Variants in GRM7 observed in about 807,000 individuals in gnomAD.
GRM7 encodes metabotropic glutamate receptor 7.
GRM7 carries 35 observed loss-of-function variants against 84.5 expected under a neutral mutation model. The ratio of observed to expected loss-of-function variants is 0.41; its 90% confidence interval spans 0.32 to 0.55. GRM7 has a LOEUF of 0.55. Among genes scored for constraint, GRM7 ranks in the 20% least tolerant of loss-of-function variants. GRM7 has a pLI of 0.19. For missense variants in GRM7, 1,003 were observed against 1,194.6 expected (o/e 0.84, Z 2.36); for synonymous variants, 487 against 455.1 (o/e 1.07, Z -0.89).
At chr3:7,620,392 G>A (rs1013510179) in intron 8 of GRM7, among the ~76,000 whole-genome samples, 3 of 152,084 alleles carry the variant, frequency 2.0e-5, no homozygotes, top group Non-Finnish European at 4.4e-5. Context: ...GTTGGGGACA[G>A]AGAGTTATGT....
intron 2 of GRM7, among the ~76,000 whole-genome samples, chr3:7,258,619 A>G (rs541523615): frequency 6.6e-6 from 1 of 152,352 alleles, no homozygotes; most frequent in African/African-American, 2.4e-5. Flanking sequence ...TAAAAAGTAG[A>G]TAATAATTTA....
intron 3 of GRM7, among the ~76,000 whole-genome samples, chr3:7,301,170 T>TC (rs1310554695): frequency 6.7e-6 from 1 of 149,728 alleles, no homozygotes; most frequent in Non-Finnish European, 1.5e-5. Context: ...GATGTTTTTT[T>TC]CTCTCGTTAT....
At chr3:7,502,724 C>T (rs1699921564) in intron 7 of GRM7, among the ~76,000 whole-genome samples, 1 of 152,134 alleles carries the variant, frequency 6.6e-6, no homozygotes, top group Non-Finnish European at 1.5e-5. Context: ...TGGCAATTAA[C>T]CAGCATACAC....
chr3:7,293,903 G>A (rs531967792), intron 2 of GRM7, among the ~76,000 whole-genome samples: 1 of 152,292 alleles, frequency 6.6e-6, no homozygotes, highest in East Asian at 1.9e-4. Flanking sequence ...GGGATGGATT[G>A]TCTTTCCAGC....
At chr3:7,174,996 T>C (rs1263298407) in intron 2 of GRM7, among the ~76,000 whole-genome samples, 1 of 152,168 alleles carries the variant, frequency 6.6e-6, no homozygotes. Flanking sequence ...CAGCACAAAG[T>C]CAAGAACATA....
intron 7 of GRM7, among the ~76,000 whole-genome samples, chr3:7,463,499 G>A (rs1698334008): frequency 6.6e-6 from 1 of 152,036 alleles, no homozygotes; most frequent in Non-Finnish European, 1.5e-5. Context: ...CAATGTGTAG[G>A]TACACAGTGG....
At chr3:7,011,755 A>G (rs1268934073) in intron 1 of GRM7, among the ~76,000 whole-genome samples, 2 of 152,208 alleles carry the variant, frequency 1.3e-5, no homozygotes, top group African/African-American at 4.8e-5. Flanking sequence ...AACCATGTGT[A>G]TGATAATGGA....
intron 4 of GRM7, among the ~76,000 whole-genome samples, chr3:7,377,536 G>T (rs775892642): frequency 2.6e-4 from 40 of 152,122 alleles, no homozygotes; most frequent in Non-Finnish European, 4.7e-4. Flanking sequence ...AAAGGGGAGA[G>T]AAATAAGAAA....
chr3:7,070,211 G>T (rs1041772793), intron 1 of GRM7, among the ~76,000 whole-genome samples: 1 of 152,016 alleles, frequency 6.6e-6, no homozygotes, highest in African/African-American at 2.4e-5. Flanking sequence ...ATAATTATCA[G>T]AATAATAGTT....
intron 4 of GRM7, among the ~76,000 whole-genome samples, chr3:7,313,463 G>A (rs921386723): frequency 1.3e-5 from 2 of 152,070 alleles, no homozygotes; most frequent in African/African-American, 4.8e-5. Flanking sequence ...CCCCTTTTAA[G>A]CTATATATTT....
At chr3:7,244,776 A>T (rs567030164) in intron 2 of GRM7, among the ~76,000 whole-genome samples, 2 of 152,206 alleles carry the variant, frequency 1.3e-5, no homozygotes, top group Admixed American at 6.6e-5. Context: ...TAATCAAAAA[A>T]TATCCATCAT....
intron 2 of GRM7, among the ~76,000 whole-genome samples, chr3:7,238,745 TTTCTTTTCTTTTCCTTTCCTTTCC>T (rs1697436414): frequency 6.7e-6 from 1 of 150,334 alleles, no homozygotes; most frequent in African/African-American, 2.5e-5. Flanking sequence ...TTTTTTTTCT[TTTCTTTTCTTTTCCTTTCCTTTCC>T]TTCTTTTCTT....
At chr3:7,661,765 G>T (rs953550892) in intron 8 of GRM7, among the ~76,000 whole-genome samples, 2 of 118,650 alleles carry the variant, frequency 1.7e-5, no homozygotes, top group African/African-American at 6.5e-5. Flanking sequence ...CTGCACTCCA[G>T]CCTGGGCCAC....
At chr3:7,097,248 C>T (rs1037050286) in intron 1 of GRM7, among the ~76,000 whole-genome samples, 2 of 151,966 alleles carry the variant, frequency 1.3e-5, no homozygotes, top group African/African-American at 4.8e-5. Context: ...GAATATTGTG[C>T]CTACACATAG....
At chr3:7,531,993 A>ATTT (rs540723768) in intron 7 of GRM7, among the ~76,000 whole-genome samples, 18 of 151,714 alleles carry the variant, frequency 1.2e-4, no homozygotes, top group Non-Finnish European at 1.8e-4. Context: ...TACCTAGTTT[A>ATTT]TTGCGCGTGC....
chr3:6,992,870 G>A (rs1694695656), intron 1 of GRM7, among the ~76,000 whole-genome samples: 1 of 152,186 alleles, frequency 6.6e-6, no homozygotes, highest in Non-Finnish European at 1.5e-5. Context: ...AAGGTAGATA[G>A]CCCAGTCAAT....
In GRM7 at chr3:7,111,085, G is replaced by C. The variant is rs75379716; in HGVS notation, c.520-35367G>C. ...AGAATGGAGAAATTGACTGATGTGG[G>C]GTCAATAACAGGTGTCAGAGTTTAA... On this transcript the variant is annotated intron_variant, in intron 1 of 9. Coordinates refer to ENST00000357716, the MANE Select transcript of GRM7 (RefSeq NM_000844.4). Among the ~76,000 whole-genome samples the C allele has an allele frequency of 3.5e-3, 534 of 152,132 alleles. 5 individuals carry two copies. The highest frequency in any genetic ancestry group is 0.012 in the African/African-American group (513 of 41,510).
chr3:6,952,163 G>T (rs545448549), intron 1 of GRM7, among the ~76,000 whole-genome samples: 2 of 152,100 alleles, frequency 1.3e-5, no homozygotes, highest in African/African-American at 4.8e-5. Flanking sequence ...TCATTCTGGT[G>T]TTCCTTCCAA....
intron 4 of GRM7, among the ~76,000 whole-genome samples, chr3:7,381,493 T>A (rs1694589545): frequency 6.6e-6 from 1 of 152,142 alleles, no homozygotes; most frequent in South Asian, 2.1e-4. Flanking sequence ...CATTAAACAT[T>A]TATACTAAGG....
Sources: allele counts gnomAD v4.1 joint callset (sites outside exome capture counted in the v4.1 genomes callset), GRCh38; gene constraint gnomAD v4.1.1; transcripts MANE v1.5; gene names NCBI Gene and HGNC (gene_info 2026-07-23, HGNC 2026-07-21).